The following SBF2 variants were observed in gnomAD, a reference collection of about 807,000 sequenced individuals.
The protein encoded by SBF2 is myotubularin-related protein 13.
In SBF2, 112 loss-of-function variants were observed where a neutral mutation model predicts 225.2. The ratio of observed to expected loss-of-function variants is 0.50; its 90% CI spans 0.43 to 0.58. The LOEUF is 0.58. SBF2 is among the 20% of genes least tolerant of loss of function. The pLI is 0.00. For missense variants in SBF2, 1,996 were observed against 2,206.2 expected (o/e 0.90, Z 1.91); for synonymous variants, 763 against 773.3 (o/e 0.99, Z 0.22).
chr11:9,901,878 C>CAAGTG (rs1008462287), intron 16 of SBF2, among the ~76,000 whole-genome samples: 43 of 152,170 alleles, frequency 2.8e-4, no homozygotes, highest in African/African-American at 1.0e-3. Context: ...CTCCTGAACT[C>CAAGTG]AAGTGATCCT....
At chr11:9,882,548 T>C (rs12288210) in intron 17 of SBF2, among the ~76,000 whole-genome samples, 38,982 of 151,982 alleles carry the variant, frequency 0.26, 5,808 homozygotes, top group Middle Eastern at 0.32. Context: ...GTGGCTCATG[T>C]CTGTAATCCC....
At chr11:10,006,227 C>T (rs1309659688) in intron 6 of SBF2, among the ~76,000 whole-genome samples, 1 of 152,200 alleles carries the variant, frequency 6.6e-6, no homozygotes, top group Non-Finnish European at 1.5e-5. Context: ...GTTATTTGTA[C>T]ACCCTCAGCT....
At chr11:10,007,153 A>C (rs1384993689) in intron 6 of SBF2, among the ~76,000 whole-genome samples, 1 of 152,186 alleles carries the variant, frequency 6.6e-6, no homozygotes, top group African/African-American at 2.4e-5. Context: ...CTCTGTGAAA[A>C]GGGCGTACCG....
At chr11:9,785,375 G>GACT in intron 36 of SBF2, 57 bp from the exon 37 acceptor site, 98 of 1,418,544 alleles carry the variant, frequency 6.9e-5, no homozygotes, top group Non-Finnish European at 8.5e-5. Context: ...ACTACTGACT[G>GACT]GAAAATTTCA....
chr11:10,101,245 G>A (rs948490344), intron 2 of SBF2, among the ~76,000 whole-genome samples: 3 of 152,166 alleles, frequency 2.0e-5, no homozygotes, highest in Non-Finnish European at 4.4e-5. Context: ...ACCATTCGGA[G>A]GTCATCCCTC....
intron 34 of SBF2, among the ~76,000 whole-genome samples, chr11:9,790,100 A>G (rs995299362): frequency 1.3e-5 from 2 of 152,186 alleles, no homozygotes; most frequent in African/African-American, 4.8e-5. Context: ...GTAGATGTGC[A>G]TGGTGGGGCA....
intron 22 of SBF2, 80 bp from the exon 23 acceptor site, chr11:9,847,163 C>T (rs1017454020): frequency 1.3e-6 from 2 of 1,541,094 alleles, no homozygotes; most frequent in Non-Finnish European, 1.8e-6. Context: ...CTTCATCAGT[C>T]TCTGCTAGAG....
At chr11:9,994,203 G>A (rs1216285952) in intron 9 of SBF2, among the ~76,000 whole-genome samples, 2 of 152,028 alleles carry the variant, frequency 1.3e-5, no homozygotes, top group Non-Finnish European at 2.9e-5. Flanking sequence ...GGCCGGGCGC[G>A]GTGGCTCACG....
intron 27 of SBF2, among the ~76,000 whole-genome samples, chr11:9,830,320 T>C (rs1855311012): frequency 6.6e-6 from 1 of 152,246 alleles, no homozygotes; most frequent in African/African-American, 2.4e-5. Context: ...TGTCATCAAT[T>C]CTAAGACGCA....
chr11:10,205,955 C>A (rs1439046439), intron 1 of SBF2, among the ~76,000 whole-genome samples: 2 of 151,966 alleles, frequency 1.3e-5, no homozygotes, highest in Non-Finnish European at 2.9e-5. Context: ...TCCAGAAACA[C>A]TGGGGTAGTC....
intron 1 of SBF2, among the ~76,000 whole-genome samples, chr11:10,199,963 C>G (rs1591198122): frequency 6.6e-6 from 1 of 152,124 alleles, no homozygotes; most frequent in African/African-American, 2.4e-5. Context: ...GGGTATATTT[C>G]CAAAGGAATT....
chr11:10,118,753 G>T (rs1417579544), intron 2 of SBF2, among the ~76,000 whole-genome samples: 2 of 151,728 alleles, frequency 1.3e-5, no homozygotes, highest in East Asian at 3.8e-4. Context: ...TTCCCTAGAG[G>T]AATTTCAAAG....
At chr11:10,284,352 A>C (rs1963604065) in intron 1 of SBF2, among the ~76,000 whole-genome samples, 1 of 152,146 alleles carries the variant, frequency 6.6e-6, no homozygotes, top group African/African-American at 2.4e-5. Context: ...GTCAAAATAT[A>C]AAACAATTTT....
Position 9,856,912 on chromosome 11 carries a change from C to T in SBF2, c.2101-192G>A, listed in dbSNP as rs533927742. Among the ~76,000 whole-genome samples the T allele has an allele frequency of 3.0e-4, 46 of 151,724 alleles. 1 individual carries two copies. Among genetic ancestry groups the T allele is most frequent in the Non-Finnish European group, 6.2e-4 (42 of 67,940 alleles). On this transcript the variant is annotated intron_variant, in intron 18 of 39. Coordinates refer to ENST00000256190, the MANE Select transcript of SBF2 (RefSeq NM_030962.4). ...ACGCCATTCTCCTGCCTCAGCCTCC[C>T]GAGTAGCTGGGACTACAGTCACCTG...
chr11:9,865,967 A>G (rs1858185824), intron 17 of SBF2, among the ~76,000 whole-genome samples: 1 of 152,174 alleles, frequency 6.6e-6, no homozygotes, highest in Non-Finnish European at 1.5e-5. Flanking sequence ...ACACTGATGC[A>G]TAAATATCAT....
rs1242027664 is a variant in SBF2 at position 9,785,112 on chromosome 11, T to C, written c.5231+13A>G. On this transcript the variant is annotated intron_variant, in intron 37 of 39. Coordinates refer to ENST00000256190, the MANE Select transcript of SBF2 (RefSeq NM_030962.4). ...GAAGTCTTCAGCACAGCGAGCAGGG[T>C]TCAGCATGTCACCTGTTTTCATCAT... 6 of 1,611,874 alleles carry C rather than the reference T, an allele frequency of 3.7e-6. No homozygotes were observed. The Admixed American group carries it at 8.3e-5, about 22-fold the overall frequency.
At chr11:10,218,710 G>C (rs767759738) in intron 1 of SBF2, among the ~76,000 whole-genome samples, 3 of 152,168 alleles carry the variant, frequency 2.0e-5, no homozygotes, top group Non-Finnish European at 4.4e-5. Flanking sequence ...ACAGGCATTT[G>C]GTTAATACAC....
chr11:10,019,572 A>G (rs149033079), intron 6 of SBF2, among the ~76,000 whole-genome samples: 3 of 152,104 alleles, frequency 2.0e-5, no homozygotes, highest in African/African-American at 7.2e-5. Flanking sequence ...TTTAACCCTG[A>G]TAAGTTTGTT....
In SBF2 at chr11:9,813,941, TA is replaced by T. The variant is rs921510508; in HGVS notation, c.3979-1234del. On this transcript the variant is annotated intron_variant, in intron 29 of 39. Coordinates refer to ENST00000256190, the MANE Select transcript of SBF2 (RefSeq NM_030962.4). ...TGGGCAGCAGAGTGAGACTCCACCT[TA>T]AAAAAAAAAATTACATAAAAAAACC... Among the ~76,000 whole-genome samples, 272 of 147,848 alleles carry T rather than the reference TA, an allele frequency of 1.8e-3. 1 individual carries two copies. The highest frequency in any genetic ancestry group is 5.5e-3 in the African/African-American group (224 of 40,530).
Sources: allele counts gnomAD v4.1 joint callset (sites outside exome capture counted in the v4.1 genomes callset), GRCh38; gene constraint gnomAD v4.1.1; transcripts MANE v1.5; gene names NCBI Gene and HGNC (gene_info 2026-07-23, HGNC 2026-07-21).